Variants in ZDHHC15 observed in about 807,000 individuals in gnomAD.
ZDHHC15 encodes palmitoyltransferase ZDHHC15.
Under a neutral mutation model 31.7 loss-of-function variants are expected in ZDHHC15, and 19 were observed. The observed-to-expected ratio is 0.60, with a 90% CI of 0.42 to 0.88. The LOEUF (loss-of-function observed/expected upper bound fraction) is 0.88. Among genes scored for constraint, ZDHHC15 ranks in the 40% least tolerant of loss-of-function variants. The probability of loss-of-function intolerance (pLI) is 0.00; values close to 1 mark genes in which losing one functional copy is unlikely to be tolerated. For synonymous variants in ZDHHC15, 103 were observed against 90.0 expected (o/e 1.14, Z -0.82); for missense variants, 209 against 251.2 (o/e 0.83, Z 1.14).
At chrX:75,497,148 G>T (rs995591634) in intron 2 of ZDHHC15, among the ~76,000 whole-genome samples, 1 of 111,199 alleles carries the variant, frequency 9.0e-6, no homozygotes, top group Non-Finnish European at 1.9e-5. Flanking sequence ...AACGAAATAG[G>T]AAATATTACA....
chrX:75,418,303 T>A (rs2083572887), intron 9 of ZDHHC15, among the ~76,000 whole-genome samples: 1 of 111,668 alleles, frequency 9.0e-6, no homozygotes, highest in Non-Finnish European at 1.9e-5. Flanking sequence ...GGAGAAATTT[T>A]TCCATAATTA....
Position 75,411,379 on chromosome X carries a change from A to AT in ZDHHC15, c.967+5707dup, listed in dbSNP as rs1281116443. 4.5e-5 allele frequency among the ~76,000 whole-genome samples: 5 copies of AT among 110,979 alleles called. No individual in the cohort carries two copies. In the East Asian group the frequency reaches 1.1e-3, roughly 25 times the overall value. ...AGGTGCCCACCGCCACGCCCGGCTA[A>AT]TTTTTTGTATTTTTAGTAGAGATGG... On this transcript the variant is annotated intron_variant, in intron 10 of 11. Transcript: ENST00000373367.
chrX:75,522,832 G>A (rs768834629), intron 1 of ZDHHC15, 57 bp downstream of exon 1: 339 of 1,196,138 alleles, frequency 2.8e-4, no homozygotes, highest in Non-Finnish European at 3.5e-4. Flanking sequence ...GTGAAGGTAG[G>A]GCAAACGATT....
intron 7 of ZDHHC15, among the ~76,000 whole-genome samples, chrX:75,428,723 A>T (rs1422557979): frequency 8.9e-6 from 1 of 111,830 alleles, no homozygotes; most frequent in Non-Finnish European, 1.9e-5. Flanking sequence ...GAAACTAGGG[A>T]TTTAAAATTA....
intron 2 of ZDHHC15, among the ~76,000 whole-genome samples, chrX:75,499,528 T>C (rs998317912): frequency 8.9e-6 from 1 of 111,856 alleles, no homozygotes; most frequent in Admixed American, 9.5e-5. Flanking sequence ...GAAAAAATGC[T>C]GGACATCACT....
At chrX:75,509,302 A>G (rs963469708) in intron 1 of ZDHHC15, among the ~76,000 whole-genome samples, 12 of 112,130 alleles carry the variant, frequency 1.1e-4, no homozygotes, top group Non-Finnish European at 2.1e-4. Context: ...AGAATCTTCA[A>G]CATGTTATCC....
intron 2 of ZDHHC15, among the ~76,000 whole-genome samples, chrX:75,493,670 A>T (rs2084939016): frequency 8.9e-6 from 1 of 112,259 alleles, no homozygotes; most frequent in Non-Finnish European, 1.9e-5. Flanking sequence ...AAACAGAACC[A>T]ACGACAAAAA....
intron 2 of ZDHHC15, among the ~76,000 whole-genome samples, chrX:75,497,041 A>T (rs1182127125): frequency 8.9e-6 from 1 of 111,984 alleles, no homozygotes; most frequent in African/African-American, 3.2e-5. Flanking sequence ...GATAAATAAA[A>T]CAAAAAGCTA....
chrX:75,466,254 C>A (rs747035611), intron 3 of ZDHHC15, among the ~76,000 whole-genome samples: 1 of 111,945 alleles, frequency 8.9e-6, no homozygotes, highest in Non-Finnish European at 1.9e-5. Context: ...TACTATCTCA[C>A]GCCAGTCAGA....
intron 3 of ZDHHC15, among the ~76,000 whole-genome samples, chrX:75,462,722 T>C (rs2084338643): frequency 9.0e-6 from 1 of 111,594 alleles, no homozygotes; most frequent in Non-Finnish European, 1.9e-5. Context: ...TTGAAACGAA[T>C]GAGAACCAAA....
At chrX:75,515,485 C>T (rs956248979) in intron 1 of ZDHHC15, among the ~76,000 whole-genome samples, 8 of 111,791 alleles carry the variant, frequency 7.2e-5, no homozygotes, top group African/African-American at 2.6e-4. Context: ...ACAAAAACCA[C>T]ATGATTATCT....
intron 10 of ZDHHC15, among the ~76,000 whole-genome samples, chrX:75,405,800 C>T (rs991391153): frequency 8.9e-6 from 1 of 111,923 alleles, no homozygotes; most frequent in African/African-American, 3.2e-5. Context: ...TTAAACTACA[C>T]ACTATACCTA....
intron 4 of ZDHHC15, among the ~76,000 whole-genome samples, chrX:75,445,694 G>A (rs759354404): frequency 8.9e-6 from 1 of 111,987 alleles, no homozygotes; most frequent in Admixed American, 9.5e-5. Flanking sequence ...CAGTCTTGTA[G>A]GGTATCTACT....
chrX:75,498,262 G>A (rs1470980768), intron 2 of ZDHHC15, among the ~76,000 whole-genome samples: 1 of 110,474 alleles, frequency 9.1e-6, no homozygotes, highest in African/African-American at 3.3e-5. Context: ...AATCAACATA[G>A]GATCAGAAGT....
At chrX:75,395,551 C>CA (rs1327707645) in intron 10 of ZDHHC15, among the ~76,000 whole-genome samples, 6 of 110,903 alleles carry the variant, frequency 5.4e-5, no homozygotes, top group Admixed American at 2.9e-4. Flanking sequence ...GAATAGGAAG[C>CA]AAAAAAATAG....
chrX:75,396,907 G>A (rs2083304483), intron 10 of ZDHHC15, among the ~76,000 whole-genome samples: 1 of 111,904 alleles, frequency 8.9e-6, no homozygotes, highest in Non-Finnish European at 1.9e-5. Flanking sequence ...AACGTCACAT[G>A]TTCCCAATTA....
At chrX:75,373,167 T>C (rs1366076427) in intron 11 of ZDHHC15, among the ~76,000 whole-genome samples, 1 of 111,996 alleles carries the variant, frequency 8.9e-6, no homozygotes, top group Non-Finnish European at 1.9e-5. Flanking sequence ...ACTGAGGAAA[T>C]ACACTGAACT....
At chrX:75,433,656 AGTGTGTGTGTGTGTGT>A (rs138064587) in intron 4 of ZDHHC15, among the ~76,000 whole-genome samples, 64 of 53,547 alleles carry the variant, frequency 1.2e-3, no homozygotes, top group South Asian at 5.0e-3. Context: ...ATGGCTGAGT[AGTGTGTGTGTGTGTGT>A]GTGTGTGTGT....
chrX:75,408,780 G>T (rs779281017), intron 10 of ZDHHC15, among the ~76,000 whole-genome samples: 5 of 112,348 alleles, frequency 4.5e-5, no homozygotes, highest in Non-Finnish European at 9.4e-5. Context: ...ACGAAAATCA[G>T]TAGAATTTAT....
Sources: allele counts gnomAD v4.1 joint callset (sites outside exome capture counted in the v4.1 genomes callset), GRCh38; gene constraint gnomAD v4.1.1; transcripts MANE v1.5; gene names NCBI Gene and HGNC (gene_info 2026-07-23, HGNC 2026-07-21).